The following SYT2 variants were observed in gnomAD, a reference collection of about 807,000 sequenced individuals.
SYT2 encodes synaptotagmin-2.
SYT2 carries 15 observed loss-of-function variants against 39.9 expected under a neutral mutation model. That is an observed-to-expected ratio of 0.38 (90% CI 0.25 to 0.58). The LOEUF is 0.58. Ranked by LOEUF, SYT2 falls within the 20% of genes least tolerant of loss-of-function variation. The pLI is 0.70. For synonymous variants in SYT2, 181 were observed against 204.5 expected (o/e 0.89, Z 0.98); for missense variants, 389 against 530.3 (o/e 0.73, Z 2.62).
chr1:202,619,083 T>TC (rs1247663816), intron 1 of SYT2, among the ~76,000 whole-genome samples: 1 of 151,930 alleles, frequency 6.6e-6, no homozygotes, highest in African/African-American at 2.4e-5. Flanking sequence ...CAGGACTATT[T>TC]CCCCCACTCT....
At chr1:202,607,510 C>T (rs1690747217) in intron 1 of SYT2, among the ~76,000 whole-genome samples, 1 of 152,208 alleles carries the variant, frequency 6.6e-6, no homozygotes, top group East Asian at 1.9e-4. Context: ...CAGGGTTCTT[C>T]TGAAGGAACA....
intron 1 of SYT2, among the ~76,000 whole-genome samples, chr1:202,677,044 C>A (rs1653394905): frequency 6.6e-6 from 1 of 152,076 alleles, no homozygotes; most frequent in African/African-American, 2.4e-5. Context: ...GAATACAGTA[C>A]CTGCTTCTCC....
intron 1 of SYT2, among the ~76,000 whole-genome samples, chr1:202,689,168 G>A (rs1653755591): frequency 6.6e-6 from 1 of 152,118 alleles, no homozygotes; most frequent in Non-Finnish European, 1.5e-5. Context: ...GGTGTGGCTG[G>A]ACCACTCTTA....
At position 202,596,954 on chromosome 1, in the gene SYT2, C is replaced by T. The variant is rs1167734162; in HGVS notation, c.1063G>A (p.Val355Ile). The T allele has an allele frequency of 1.2e-6, 2 of 1,613,072 alleles. No homozygotes were observed. The highest frequency in any genetic ancestry group is 1.7e-6 in the Non-Finnish European group (2 of 1,179,258). The change falls in exon 9 of 9, where the codon GTA (valine) becomes ATA (isoleucine). Residue 355 changes from valine (V) to isoleucine (I), a missense_variant. This residue lies in a region of SYT2 where 84 missense variants were observed against 123.1 expected (regional missense o/e 0.68). Transcript: ENST00000367268. ...TCATAGTCCAGCACGGTGACCACTA[C>T]CTGGACTTTCTGCAAGGAAAACGAG... ...IPFEQIQKVQVVVTVLDYDKL... is the reference protein window; with the variant it reads ...IPFEQIQKVQIVVTVLDYDKL...
chr1:202,650,782 C>T (rs141242889), intron 1 of SYT2, among the ~76,000 whole-genome samples: 42 of 152,220 alleles, frequency 2.8e-4, no homozygotes, highest in Non-Finnish European at 5.1e-4. Context: ...ACCGTGGAGC[C>T]GGAGCCCTTG....
At chr1:202,608,495 T>C (rs181392477) in intron 1 of SYT2, among the ~76,000 whole-genome samples, 1 of 152,276 alleles carries the variant, frequency 6.6e-6, no homozygotes, top group East Asian at 1.9e-4. Context: ...CAGGCTGGTC[T>C]CGAGCTCCTG....
chr1:202,694,547 T>G (rs186958699), intron 1 of SYT2, among the ~76,000 whole-genome samples: 29 of 134,238 alleles, frequency 2.2e-4, no homozygotes, highest in Admixed American at 2.1e-3. Context: ...TTAAGTCTCC[T>G]GAGGCTGAAT....
chr1:202,705,126 G>GGTTCTGACCACTCAGCTGCTGT (rs1654216506), intron 1 of SYT2, among the ~76,000 whole-genome samples: 1 of 152,388 alleles, frequency 6.6e-6, no homozygotes, highest in South Asian at 2.1e-4. Context: ...GAGGAGGAAG[G>GGTTCTGACCACTCAGCTGCTGT]GTTCTGACCA....
At chr1:202,665,120 C>T (rs59524062) in intron 1 of SYT2, among the ~76,000 whole-genome samples, 3,427 of 152,192 alleles carry the variant, frequency 0.023, 105 homozygotes, top group East Asian at 0.16. Context: ...CTTACTCTTC[C>T]TACAGTCTTC....
chr1:202,647,955 T>C (rs1290362967), intron 1 of SYT2, among the ~76,000 whole-genome samples: 1 of 152,130 alleles, frequency 6.6e-6, no homozygotes, highest in African/African-American at 2.4e-5. Context: ...ACCACGATGG[T>C]TCAAATACAG....
chr1:202,627,418 G>A (rs1274245229), intron 1 of SYT2: 1 of 984,608 alleles, frequency 1.0e-6, no homozygotes, highest in Non-Finnish European at 1.2e-6. Context: ...CAAGCTCCCT[G>A]CTAAAGGAGA....
In SYT2 at chr1:202,591,104, TCACTGGTC is replaced by T. The variant is rs1035197329; in HGVS notation, c.*5645_*5652del. 6.6e-6 allele frequency: 1 copy of T among 152,216 alleles called. No individual in the cohort carries two copies. Among genetic ancestry groups the T allele is most frequent in the Non-Finnish European group, 1.5e-5 (1 of 68,082 alleles). The allele number at this position is 152,216 out of a possible 1,614,324, so 9.4% of individuals were successfully genotyped here. On this transcript the variant is annotated 3_prime_UTR_variant, in exon 9 of 9. Transcript: ENST00000367268. The stretch of plus-strand genomic sequence containing the variant: ...GAGCTGGAGGAAGCAAGACATGTCT[TCACTGGTC>T]CAAGCACCTGATTCCAGCCTGCTCT...
intron 1 of SYT2, among the ~76,000 whole-genome samples, chr1:202,613,492 T>G (rs1232229959): frequency 1.3e-5 from 2 of 152,226 alleles, no homozygotes; most frequent in African/African-American, 4.8e-5. Flanking sequence ...TTTTCCATTT[T>G]CTTTTTCTTC....
chr1:202,631,336 G>A (rs1691584689), intron 1 of SYT2, among the ~76,000 whole-genome samples: 1 of 152,168 alleles, frequency 6.6e-6, no homozygotes, highest in Admixed American at 6.5e-5. Flanking sequence ...ACTCCCTGGA[G>A]CTGGCAACAG....
intron 1 of SYT2, among the ~76,000 whole-genome samples, chr1:202,649,916 C>T (rs1224894087): frequency 6.6e-6 from 1 of 152,182 alleles, no homozygotes; most frequent in African/African-American, 2.4e-5. Flanking sequence ...TGCCCAAGAC[C>T]GCACAGCCAA....
chr1:202,597,608 G>A (rs1558420493), intron 8 of SYT2, among the ~76,000 whole-genome samples: 1 of 152,192 alleles, frequency 6.6e-6, no homozygotes. Context: ...GTCAGCCAAG[G>A]AGTCTGCATT....
intron 1 of SYT2, among the ~76,000 whole-genome samples, chr1:202,607,881 C>CTT (rs34654342): frequency 3.3e-5 from 5 of 150,600 alleles, no homozygotes; most frequent in East Asian, 1.9e-4. Flanking sequence ...GCTCTGTGAC[C>CTT]TTTTTTTTTT....
chr1:202,620,759 G>A (rs1186032193), intron 1 of SYT2, among the ~76,000 whole-genome samples: 3 of 152,184 alleles, frequency 2.0e-5, no homozygotes, highest in Admixed American at 6.5e-5. Context: ...TTGAGTAGGA[G>A]GGAAGGGGAG....
At chr1:202,609,110 G>A (rs966094315) in intron 1 of SYT2, among the ~76,000 whole-genome samples, 4 of 140,334 alleles carry the variant, frequency 2.9e-5, no homozygotes, top group South Asian at 4.4e-4. Flanking sequence ...TCCCACCTAT[G>A]AGTGAGAACA....
Sources: gnomAD v4.1 joint callset for allele counts (sites outside exome capture counted in the v4.1 genomes callset) on GRCh38, gnomAD v4.1.1 for gene constraint, gnomAD v4.1.1 regional missense constraint, MANE v1.5 for transcripts, NCBI Gene and HGNC (gene_info 2026-07-23, HGNC 2026-07-21) for gene names.